Variants in SMPD3 observed in about 807,000 individuals in gnomAD.
The protein encoded by SMPD3 is nSMase-2.
In SMPD3, 21 loss-of-function variants were observed where a neutral mutation model predicts 55.7. The ratio of observed to expected loss-of-function variants is 0.38; its 90% CI spans 0.27 to 0.54. The LOEUF is 0.54. Ranked by LOEUF, SMPD3 falls within the 20% of genes least tolerant of loss-of-function variation. The pLI is 0.80. For missense variants in SMPD3, 842 were observed against 899.6 expected (o/e 0.94, Z 0.82); for synonymous variants, 457 against 404.3 (o/e 1.13, Z -1.56).
At position 68,429,031 on chromosome 16, in the gene SMPD3, T is replaced by C. The variant is rs142818637; in HGVS notation, c.-269+19322A>G. ...CCTGTGGGAGATGACCCCTCTCTGC[T>C]GGCTATACATTGGGTGCCATAGACA... On this transcript the variant is annotated intron_variant, in intron 1 of 8. Coordinates refer to ENST00000219334, the MANE Select transcript of SMPD3 (RefSeq NM_018667.4). 4.0e-3 allele frequency among the ~76,000 whole-genome samples: 611 copies of C among 152,350 alleles called. 2 individuals are homozygous for C. Among genetic ancestry groups the C allele is most frequent in the African/African-American group, 0.014 (600 of 41,586 alleles).
chr16:68,386,565 C>G (rs933877468), intron 2 of SMPD3, 33 bp downstream of exon 2: 3 of 151,940 alleles, frequency 2.0e-5, no homozygotes, highest in African/African-American at 7.3e-5. Flanking sequence ...CACCCCCACC[C>G]CACCCCTCTG....
chr16:68,415,340 G>T (rs1042825567), intron 1 of SMPD3, among the ~76,000 whole-genome samples: 2 of 152,104 alleles, frequency 1.3e-5, no homozygotes, highest in Admixed American at 6.5e-5. Flanking sequence ...AGTCCTTGGG[G>T]GTCAGGCAGT....
intron 1 of SMPD3, among the ~76,000 whole-genome samples, chr16:68,402,728 C>G (rs2090221599): frequency 6.6e-6 from 1 of 152,140 alleles, no homozygotes; most frequent in South Asian, 2.1e-4. Flanking sequence ...TCTACGGAAT[C>G]AAGGTTCTAC....
chr16:68,417,820 T>C (rs573161748), intron 1 of SMPD3, among the ~76,000 whole-genome samples: 7 of 152,218 alleles, frequency 4.6e-5, no homozygotes, highest in Non-Finnish European at 1.0e-4. Context: ...AGGGTATAAA[T>C]GAGTAAACAC....
chr16:68,437,118 C>T (rs746177051), intron 1 of SMPD3, among the ~76,000 whole-genome samples: 17 of 152,222 alleles, frequency 1.1e-4, no homozygotes, highest in Non-Finnish European at 2.4e-4. Context: ...TTGACTACCT[C>T]CCTGAGGACA....
At chr16:68,434,151 C>A (rs1410505294) in intron 1 of SMPD3, among the ~76,000 whole-genome samples, 2 of 152,074 alleles carry the variant, frequency 1.3e-5, no homozygotes, top group Admixed American at 1.3e-4. Context: ...CAGACTGGTA[C>A]AAAGTTCAGT....
chr16:68,361,568 T>C (rs1485274304), intron 8 of SMPD3, 35 bp downstream of exon 8: 2 of 1,601,332 alleles, frequency 1.2e-6, no homozygotes, highest in African/African-American at 2.7e-5. Flanking sequence ...GCTCTCTCTT[T>C]GCATGGCCCT....
At chr16:68,438,000 CA>C (rs1247575647) in intron 1 of SMPD3, among the ~76,000 whole-genome samples, 23 of 152,252 alleles carry the variant, frequency 1.5e-4, no homozygotes, top group African/African-American at 5.5e-4. Context: ...ATGGGTGCTG[CA>C]ACCAAAAAGG....
chr16:68,363,461 G>GT, intron 7 of SMPD3, 35 bp downstream of exon 7: 1 of 1,612,448 alleles, frequency 6.2e-7, no homozygotes, highest in Non-Finnish European at 8.5e-7. Flanking sequence ...TAGTCAGGGT[G>GT]TGCCTCGTCC....
chr16:68,433,099 C>T (rs759732740), intron 1 of SMPD3, among the ~76,000 whole-genome samples: 3 of 152,138 alleles, frequency 2.0e-5, no homozygotes, highest in Non-Finnish European at 4.4e-5. Context: ...CCACCATGCC[C>T]GGCTGTTGTT....
intron 2 of SMPD3, among the ~76,000 whole-genome samples, chr16:68,375,543 G>A (rs1440104124): frequency 6.6e-6 from 1 of 152,190 alleles, no homozygotes; most frequent in Non-Finnish European, 1.5e-5. Flanking sequence ...CTGCTCTCCC[G>A]TGTGGCGCAT....
At chr16:68,428,296 A>G (rs1365314849) in intron 1 of SMPD3, among the ~76,000 whole-genome samples, 1 of 152,244 alleles carries the variant, frequency 6.6e-6, no homozygotes, top group Non-Finnish European at 1.5e-5. Context: ...GTATGATCAG[A>G]AAGAGTAGGA....
intron 1 of SMPD3, among the ~76,000 whole-genome samples, chr16:68,437,594 A>C (rs1460130788): frequency 6.6e-6 from 1 of 152,190 alleles, no homozygotes; most frequent in Non-Finnish European, 1.5e-5. Flanking sequence ...TTTCAAAGAA[A>C]ACACAGTGAT....
chr16:68,420,689 A>G (rs767866495), intron 1 of SMPD3, among the ~76,000 whole-genome samples: 2 of 152,172 alleles, frequency 1.3e-5, no homozygotes, highest in African/African-American at 2.4e-5. Flanking sequence ...GGCTGCATCC[A>G]TTGTTCTGTG....
intron 5 of SMPD3, 90 bp downstream of exon 5, chr16:68,364,661 T>C: frequency 7.0e-7 from 1 of 1,424,114 alleles, no homozygotes; most frequent in South Asian, 1.4e-5. Flanking sequence ...CAGGAATTCT[T>C]TGAGCTGCCT....
At chr16:68,444,493 G>A (rs1240912338) in intron 1 of SMPD3, among the ~76,000 whole-genome samples, 2 of 148,828 alleles carry the variant, frequency 1.3e-5, no homozygotes, top group African/African-American at 4.9e-5. Context: ...AAATCTTAGG[G>A]CCTTTTCCTT....
At chr16:68,432,123 A>AG (rs1567809874) in intron 1 of SMPD3, among the ~76,000 whole-genome samples, 1 of 151,860 alleles carries the variant, frequency 6.6e-6, no homozygotes, top group African/African-American at 2.4e-5. Context: ...CGCAAAAAAA[A>AG]AAAAGAAAAG....
chr16:68,377,568 C>T (rs964130228), intron 2 of SMPD3, among the ~76,000 whole-genome samples: 2 of 152,222 alleles, frequency 1.3e-5, no homozygotes, highest in South Asian at 2.1e-4. Flanking sequence ...GAGCCCCCCT[C>T]CCTAGACACT....
chr16:68,415,117 G>T (rs1348423828), intron 1 of SMPD3, among the ~76,000 whole-genome samples: 1 of 152,122 alleles, frequency 6.6e-6, no homozygotes, highest in Non-Finnish European at 1.5e-5. Flanking sequence ...TGTGCCATTA[G>T]GGAGAAACTC....
Sources: gnomAD v4.1 joint callset for allele counts (sites outside exome capture counted in the v4.1 genomes callset) on GRCh38, gnomAD v4.1.1 for gene constraint, MANE v1.5 for transcripts, NCBI Gene and HGNC (gene_info 2026-07-23, HGNC 2026-07-21) for gene names.